Variants in FEZ1 observed in about 807,000 individuals in gnomAD.
The protein encoded by FEZ1 is fasciculation and elongation protein zeta 1, also known as fasciculation and elongation protein zeta-1.
Under a neutral mutation model 49.3 loss-of-function variants are expected in FEZ1, and 20 were observed. The observed-to-expected ratio is 0.41, with a 90% CI of 0.29 to 0.59. FEZ1 has a LOEUF of 0.59. Ranked by LOEUF, FEZ1 falls within the 20% of genes least tolerant of loss-of-function variation. The pLI, the probability that FEZ1 is intolerant of heterozygous loss-of-function variation, is 0.36. For missense variants in FEZ1, 413 were observed against 476.0 expected (o/e 0.87, Z 1.23); for synonymous variants, 170 against 180.9 (o/e 0.94, Z 0.48).
intron 3 of FEZ1, among the ~76,000 whole-genome samples, chr11:125,476,915 G>C (rs1957238161): frequency 6.6e-6 from 1 of 151,922 alleles, no homozygotes; most frequent in East Asian, 1.9e-4. Flanking sequence ...TTTAAAATAT[G>C]GTAACCAGAA....
intron 3 of FEZ1, among the ~76,000 whole-genome samples, chr11:125,480,222 A>C (rs1957266812): frequency 6.6e-6 from 1 of 152,262 alleles, no homozygotes; most frequent in East Asian, 1.9e-4. Flanking sequence ...CAAAAAATAC[A>C]AAAATTAGCC....
intron 3 of FEZ1, among the ~76,000 whole-genome samples, chr11:125,471,596 C>G (rs929446137): frequency 2.7e-4 from 41 of 152,028 alleles, no homozygotes; most frequent in African/African-American, 9.7e-4. Flanking sequence ...GGGAGATGTA[C>G]TCAGAGCTTC....
At chr11:125,483,470 G>A (rs868366369) in intron 2 of FEZ1, among the ~76,000 whole-genome samples, 2 of 152,280 alleles carry the variant, frequency 1.3e-5, no homozygotes, top group Middle Eastern at 3.4e-3. Context: ...TAAACCATGG[G>A]TGATACCCTA....
chr11:125,468,955 G>A (rs181862085), intron 3 of FEZ1: 1 of 152,352 alleles, frequency 6.6e-6, no homozygotes, highest in East Asian at 1.9e-4. Context: ...TGAACTGGAG[G>A]TTCTGGACTC....
At chr11:125,485,035 A>G (rs950665503) in intron 2 of FEZ1, among the ~76,000 whole-genome samples, 2 of 152,148 alleles carry the variant, frequency 1.3e-5, no homozygotes, top group Non-Finnish European at 2.9e-5. Context: ...GGTGGACTGT[A>G]AAGTTTTACT....
chr11:125,460,310 T>A (rs1257544389), intron 5 of FEZ1, 188 bp downstream of exon 5: 1 of 492,092 alleles, frequency 2.0e-6, no homozygotes, highest in Non-Finnish European at 3.5e-6. Context: ...GACTACCTTG[T>A]TCTTTTCTCA....
chr11:125,454,051 C>A, intron 7 of FEZ1, 79 bp downstream of exon 7: 1 of 870,150 alleles, frequency 1.1e-6, no homozygotes, highest in South Asian at 1.8e-5. Context: ...TCTGGTGAGT[C>A]ACTGTCCCCC....
intron 2 of FEZ1, among the ~76,000 whole-genome samples, chr11:125,481,927 C>T (rs1009797531): frequency 3.7e-4 from 57 of 152,178 alleles, no homozygotes; most frequent in Non-Finnish European, 7.3e-4. Flanking sequence ...CTGCCTCTGG[C>T]TCTGAAAATA....
At chr11:125,485,780 C>CA (rs541680089) in intron 2 of FEZ1, among the ~76,000 whole-genome samples, 1,868 of 114,116 alleles carry the variant, frequency 0.016, 19 homozygotes, top group Non-Finnish European at 0.022. Context: ...TACTAAAAGA[C>CA]AAAAAAAAAA....
intron 6 of FEZ1, among the ~76,000 whole-genome samples, chr11:125,454,817 C>T (rs1369393187): frequency 6.6e-6 from 1 of 151,646 alleles, no homozygotes; most frequent in Non-Finnish European, 1.5e-5. Flanking sequence ...AGTTTGAGAC[C>T]AGCCTGACCA....
chr11:125,463,310 G>T, intron 4 of FEZ1, 174 bp downstream of exon 4: 1 of 497,532 alleles, frequency 2.0e-6, no homozygotes, highest in East Asian at 3.6e-5. Context: ...TGTCTCAAAA[G>T]TATATATATA....
intron 2 of FEZ1, among the ~76,000 whole-genome samples, chr11:125,488,537 G>A (rs976287069): frequency 1.9e-4 from 29 of 152,178 alleles, no homozygotes; most frequent in Non-Finnish European, 2.5e-4. Context: ...AAAATTAGTC[G>A]GGCATGGTGG....
Position 125,495,331 on chromosome 11 carries a change from G to A in FEZ1, c.-46+790C>T, listed in dbSNP as rs1957448709. On this transcript the variant is annotated intron_variant, in intron 1 of 9. Coordinates refer to ENST00000278919, the MANE Select transcript of FEZ1 (RefSeq NM_005103.5). This position sits in a 1 kb window ranked among gnomAD's most constrained non-coding sequence, Gnocchi z 4.2. ...CGGGAGAGGGATGAGAGTCGGGGAT[G>A]CCTAGCGGCGAGGAGAGAAGGGATA... is the stretch of plus-strand genomic sequence containing the variant. The A allele has an allele frequency of 4.3e-6, 2 of 466,866 alleles. No homozygotes were observed. The highest frequency in any genetic ancestry group is 4.0e-5 in the African/African-American group (2 of 49,982). The allele number at this position is 466,866 out of a possible 1,614,324, so 28.9% of individuals were successfully genotyped here. A position where few individuals can be genotyped will look rare whatever the true frequency, so the allele number is the denominator to read the frequency against.
At position 125,445,800 on chromosome 11, in the gene FEZ1, T is replaced by C. The variant is rs1211270542; in HGVS notation, c.*295A>G. 4.4e-6 allele frequency: 2 copies of C among 450,018 alleles called. No individual in the cohort carries two copies. The highest frequency in any genetic ancestry group is 8.3e-6 in the Non-Finnish European group (2 of 239,662). The allele number at this position is 450,018 out of a possible 1,614,324, so 27.9% of individuals were successfully genotyped here. On this transcript the variant is annotated 3_prime_UTR_variant, in exon 10 of 10. Transcript: ENST00000278919. The surrounding 1 kb of genome is among the most constrained non-coding windows in gnomAD (Gnocchi z 4.4). ...CAAAATTAGTCTTAAGAGTATAAGC[T>C]GTTTTTGAGGGCTGTAGCCAGACTA...
Position 125,479,217 on chromosome 11 carries a change from G to A in FEZ1, c.411+2317C>T, listed in dbSNP as rs1565301469. ...GCTAATTACTAGAAAAATGGAGAAG[G>A]ATATATATGGCTACATTTTCAACAA... On this transcript the variant is annotated intron_variant, in intron 3 of 9. Transcript: ENST00000278919. Among the ~76,000 whole-genome samples the A allele has an allele frequency of 2.6e-5, 4 of 152,126 alleles. No individual in the cohort carries two copies. The South Asian group carries it at 6.2e-4, about 24-fold the overall frequency.
At chr11:125,450,175 G>A (rs1473021138) in intron 8 of FEZ1, among the ~76,000 whole-genome samples, 2 of 152,004 alleles carry the variant, frequency 1.3e-5, no homozygotes, top group African/African-American at 2.4e-5. Context: ...TTACAGGCGT[G>A]CACCACCACA....
Position 125,489,345 on chromosome 11 carries a change from T to G in FEZ1, c.311+122A>C. On this transcript the variant is annotated intron_variant, in intron 2 of 9. Coordinates refer to ENST00000278919, the MANE Select transcript of FEZ1 (RefSeq NM_005103.5). The surrounding 1 kb of genome is among the most constrained non-coding windows in gnomAD (Gnocchi z 4.2). ...AGCAAGTACCAGGGCACTGCTCCGC[T>G]GGCAACACGAAAATGAAAGTAATAG... 2 of 1,478,080 alleles carry G rather than the reference T, an allele frequency of 1.4e-6. No homozygotes were observed. Among genetic ancestry groups the G allele is most frequent in the South Asian group, 1.5e-5 (1 of 66,030 alleles). The allele number at this position is 1,478,080 out of a possible 1,614,324, so 91.6% of individuals were successfully genotyped here.
At chr11:125,494,011 T>G (rs1336953572) in intron 1 of FEZ1, among the ~76,000 whole-genome samples, 1 of 152,154 alleles carries the variant, frequency 6.6e-6, no homozygotes, top group Non-Finnish European at 1.5e-5. Context: ...TCTAGAAAAT[T>G]ATAAAAGACG....
At chr11:125,475,356 T>C (rs1407886836) in intron 3 of FEZ1, among the ~76,000 whole-genome samples, 1 of 151,828 alleles carries the variant, frequency 6.6e-6, no homozygotes, top group Non-Finnish European at 1.5e-5. Flanking sequence ...TCTATGTCAC[T>C]AGAGAAAAGC....
Sources: gnomAD v4.1 joint callset for allele counts (sites outside exome capture counted in the v4.1 genomes callset) on GRCh38, gnomAD v4.1.1 for gene constraint, Gnocchi (gnomAD v3.1) non-coding constraint, MANE v1.5 for transcripts, NCBI Gene and HGNC (gene_info 2026-07-23, HGNC 2026-07-21) for gene names.